Variants in MGAT3 observed in about 807,000 individuals in gnomAD.
MGAT3 encodes the protein GlcNAc-T III.
MGAT3 carries 9 observed loss-of-function variants against 29.8 expected under a neutral mutation model. The observed-to-expected ratio is 0.30, with a 90% confidence interval of 0.18 to 0.53. The LOEUF (loss-of-function observed/expected upper bound fraction) is 0.53. MGAT3 is among the 20% of genes least tolerant of loss of function. The pLI is 0.96. For synonymous variants in MGAT3, 397 were observed against 348.9 expected (o/e 1.14, Z -1.54); for missense variants, 557 against 769.5 (o/e 0.72, Z 3.27).
chr22:39,488,563 T>A lies in MGAT3; in HGVS notation c.1216T>A (p.Trp406Arg), dbSNP rs1031818383. The A allele has an allele frequency of 6.2e-7, 1 of 1,613,224 alleles. No homozygotes were observed. The highest frequency in any genetic ancestry group is 8.5e-7 in the Non-Finnish European group (1 of 1,180,036). The change falls in exon 2 of 2, where the codon TGG becomes AGG. Residue 406 changes from tryptophan to arginine, a missense_variant. Around this residue, in one of 3 missense-constraint regions of MGAT3, gnomAD observed 243 missense variants for 444.0 expected, o/e 0.55. Transcript: ENST00000341184. ...ENRTGHILVQ[W>R]SLGSPLHFAG... ...CCGCACCGGCCACATCCTGGTGCAG[T>A]GGTCGCTGGGCAGCCCCCTGCACTT...
chr22:39,487,464 C>T lies in MGAT3; in HGVS notation c.117C>T (p.Ala39=). Residue 39 remains alanine, a synonymous_variant, in exon 2 of 2, where the codon GCC becomes GCT. Coordinates refer to ENST00000341184, the MANE Select transcript of MGAT3 (RefSeq NM_002409.5). This position sits in a 1 kb window ranked among gnomAD's most constrained non-coding sequence, Gnocchi z 5.7. ...ATGTCACCTTCCCCCGAGAACTGGC[C>T]TCCCTCAGCCCTAACCTGGTGTCCA... The part of the protein sequence containing the change: ...LSYVTFPREL[A]SLSPNLVSSF... The T allele has an allele frequency of 6.2e-7, 1 of 1,613,828 alleles. No individual in the cohort carries two copies. The highest frequency in any genetic ancestry group is 8.5e-7 in the Non-Finnish European group (1 of 1,180,010).
chr22:39,481,569 G>T (rs2145723824), intron 1 of MGAT3, among the ~76,000 whole-genome samples: 1 of 152,344 alleles, frequency 6.6e-6, no homozygotes, highest in African/African-American at 2.4e-5. Context: ...GACGTGGGTT[G>T]GGTGAGCACC....
chr22:39,464,949 G>A (rs971859956), intron 1 of MGAT3, among the ~76,000 whole-genome samples: 1 of 151,718 alleles, frequency 6.6e-6, no homozygotes, highest in African/African-American at 2.4e-5. Flanking sequence ...TAGAGACGGG[G>A]TTTCACCATG....
chr22:39,483,965 C>T (rs1469052461), intron 1 of MGAT3, among the ~76,000 whole-genome samples: 3 of 152,128 alleles, frequency 2.0e-5, no homozygotes, highest in African/African-American at 7.2e-5. Context: ...CAAACGCTGC[C>T]CTGATTGTCG....
intron 1 of MGAT3, among the ~76,000 whole-genome samples, chr22:39,462,277 G>A (rs1024884399): frequency 1.3e-5 from 2 of 152,340 alleles, no homozygotes; most frequent in Middle Eastern, 6.8e-3. Flanking sequence ...TGTTCTTGCT[G>A]TCAGCTCCCA....
At chr22:39,458,736 C>T (rs952323266) in intron 1 of MGAT3, among the ~76,000 whole-genome samples, 6 of 152,066 alleles carry the variant, frequency 3.9e-5, no homozygotes, top group Non-Finnish European at 7.4e-5. Flanking sequence ...GTGGGAAGGG[C>T]GTTGTGGGCC....
chr22:39,481,741 T>G (rs1321251754), intron 1 of MGAT3, among the ~76,000 whole-genome samples: 2 of 152,206 alleles, frequency 1.3e-5, no homozygotes, highest in East Asian at 3.8e-4. Flanking sequence ...TACAACCCCG[T>G]GATTGACCCT....
At chr22:39,479,360 A>C in intron 1 of MGAT3, among the ~76,000 whole-genome samples, 1 of 152,122 alleles carries the variant, frequency 6.6e-6, no homozygotes, top group South Asian at 2.1e-4. Context: ...AAAATTTAAA[A>C]AGTCACAGGC....
chr22:39,460,662 G>T (rs1455004889), intron 1 of MGAT3, among the ~76,000 whole-genome samples: 3 of 152,164 alleles, frequency 2.0e-5, no homozygotes, highest in Admixed American at 6.5e-5. Context: ...GCTGGGCATG[G>T]TGGCAGGCAC....
At chr22:39,486,249 G>C (rs1417674447) in intron 1 of MGAT3, 1 of 386,470 alleles carries the variant, frequency 2.6e-6, no homozygotes, top group Non-Finnish European at 5.0e-6. Flanking sequence ...CTGGGTTCAA[G>C]TAATTCTCCT....
Position 39,488,556 on chromosome 22 carries a change from G to T in MGAT3, c.1209G>T (p.Leu403=). 1 of 1,613,274 alleles carries T rather than the reference G, an allele frequency of 6.2e-7. No individual in the cohort carries two copies. The highest frequency in any genetic ancestry group is 8.5e-7 in the Non-Finnish European group (1 of 1,180,012). Residue 403 remains leucine, a synonymous_variant, in exon 2 of 2, where the codon CTG becomes CTT. Coordinates refer to ENST00000341184, the MANE Select transcript of MGAT3 (RefSeq NM_002409.5). ...RQYENRTGHI[L]VQWSLGSPLH... ...ATGAGAACCGCACCGGCCACATCCT[G>T]GTGCAGTGGTCGCTGGGCAGCCCCC...
Position 39,478,566 on chromosome 22 carries a change from G to T in MGAT3, c.-1-8781G>T, listed in dbSNP as rs150922374. On this transcript the variant is annotated intron_variant, in intron 1 of 1. Transcript: ENST00000341184. ...GTGAGGCCAGCCAAGGGCACCCTGG[G>T]GACTGAGCTAGGACTCTGGCCAGCA... 2.0e-3 allele frequency among the ~76,000 whole-genome samples: 304 copies of T among 152,314 alleles called. 2 individuals are homozygous for T. The highest frequency in any genetic ancestry group is 6.6e-3 in the African/African-American group (276 of 41,568).
intron 1 of MGAT3, among the ~76,000 whole-genome samples, chr22:39,466,441 A>G (rs1328795077): frequency 6.6e-6 from 1 of 151,780 alleles, no homozygotes; most frequent in African/African-American, 2.4e-5. Flanking sequence ...TTGTCCAAAC[A>G]CCTCTGACCT....
At position 39,489,747 on chromosome 22, in the gene MGAT3, G is replaced by C. The variant is rs992984193; in HGVS notation, c.*798G>C. 1 of 167,418 alleles carries C rather than the reference G, an allele frequency of 6.0e-6. No homozygotes were observed. The highest frequency in any genetic ancestry group is 1.5e-5 in the Non-Finnish European group (1 of 68,268). 10.4% of individuals were successfully genotyped at this position (167,418 alleles called of 1,614,324 possible). On this transcript the variant is annotated 3_prime_UTR_variant, in exon 2 of 2. Transcript: ENST00000341184. Reference sequence around the variant, plus strand: ...CTTGTGGACTGTGCACTCAGTCCTTGCAAGGCCAAGAGTCCAGTTGTAGGT... The same window carrying C: ...CTTGTGGACTGTGCACTCAGTCCTTCCAAGGCCAAGAGTCCAGTTGTAGGT...
At position 39,488,093 on chromosome 22, in the gene MGAT3, G is replaced by A. The variant is rs748652843; in HGVS notation, c.746G>A (p.Arg249Gln). The part of the protein sequence containing the change: ...ESNFTAYGEP[R>Q]PLKFREMLTN... Reference sequence around the variant, plus strand: ...AACTTCACGGCTTATGGGGAGCCGCGGCCGCTCAAGTTCCGGGAGATGCTG... The same window carrying A: ...AACTTCACGGCTTATGGGGAGCCGCAGCCGCTCAAGTTCCGGGAGATGCTG... The change falls in exon 2 of 2, where the codon CGG becomes CAG. Residue 249 changes from arginine to glutamine, a missense_variant. Arg to Gln is a conservative substitution (Grantham distance 43, BLOSUM62 1). Coordinates refer to ENST00000341184, the MANE Select transcript of MGAT3 (RefSeq NM_002409.5). 3 of 1,612,110 alleles carry A rather than the reference G, an allele frequency of 1.9e-6. No individual in the cohort carries two copies. The highest frequency in any genetic ancestry group is 8.5e-7 in the Non-Finnish European group (1 of 1,179,068).
chr22:39,477,464 G>A (rs1928997896), intron 1 of MGAT3: 1 of 151,880 alleles, frequency 6.6e-6, no homozygotes, highest in Non-Finnish European at 1.5e-5. Context: ...TTTCTTAAAG[G>A]AAATAAAGCC....
chr22:39,470,495 G>A (rs1928777014), intron 1 of MGAT3, among the ~76,000 whole-genome samples: 1 of 152,196 alleles, frequency 6.6e-6, no homozygotes, highest in Non-Finnish European at 1.5e-5. Context: ...AGAGGAGTTG[G>A]GGTTTTAATT....
chr22:39,470,027 C>T (rs1928764429), intron 1 of MGAT3, among the ~76,000 whole-genome samples: 1 of 152,252 alleles, frequency 6.6e-6, no homozygotes, highest in Non-Finnish European at 1.5e-5. Flanking sequence ...TGTCTTTGGA[C>T]TGTTCCATGT....
chr22:39,481,534 C>T (rs531338317), intron 1 of MGAT3, among the ~76,000 whole-genome samples: 1 of 152,208 alleles, frequency 6.6e-6, no homozygotes, highest in Non-Finnish European at 1.5e-5. Flanking sequence ...GGGGCTCTGG[C>T]AAAATCGTTG....
Sources: gnomAD v4.1 joint callset for allele counts (sites outside exome capture counted in the v4.1 genomes callset) on GRCh38, gnomAD v4.1.1 for gene constraint, gnomAD v4.1.1 regional missense constraint, Gnocchi (gnomAD v3.1) non-coding constraint, MANE v1.5 for transcripts, NCBI Gene and HGNC (gene_info 2026-07-23, HGNC 2026-07-21) for gene names.